Variants in ARHGAP31 observed in about 807,000 individuals in gnomAD.
The protein encoded by ARHGAP31 is Rho GTPase activating protein 31.
A neutral mutation model predicts 113.9 loss-of-function variants in ARHGAP31; 34 were observed. The ratio of observed to expected loss-of-function variants is 0.30; its 90% CI spans 0.23 to 0.40. The LOEUF (loss-of-function observed/expected upper bound fraction) is 0.40. ARHGAP31 is among the 10% of genes least tolerant of loss of function. The probability of loss-of-function intolerance (pLI) is 1.00; values close to 1 mark genes in which losing one functional copy is unlikely to be tolerated. For synonymous variants in ARHGAP31, 650 were observed against 684.8 expected (o/e 0.95, Z 0.79); for missense variants, 1,548 against 1,767.1 (o/e 0.88, Z 2.22).
chr3:119,413,316 C>CA (rs369363243), intron 11 of ARHGAP31, among the ~76,000 whole-genome samples: 18,706 of 90,762 alleles, frequency 0.21, 1,452 homozygotes, highest in South Asian at 0.29. Context: ...GACTCTGTCT[C>CA]AAAAAAAAAA....
At chr3:119,337,487 G>C (rs866284990) in intron 1 of ARHGAP31, among the ~76,000 whole-genome samples, 5 of 152,158 alleles carry the variant, frequency 3.3e-5, no homozygotes, top group African/African-American at 7.2e-5. Context: ...AAAGAACAAA[G>C]CTTCCACAAT....
At position 119,414,440 on chromosome 3, in the gene ARHGAP31, G is replaced by C. The variant is rs763004955; in HGVS notation, c.2511G>C (p.Glu837Asp). 1 of 1,614,250 alleles carries C rather than the reference G, an allele frequency of 6.2e-7. No homozygotes were observed. The highest frequency in any genetic ancestry group is 8.5e-7 in the Non-Finnish European group (1 of 1,180,048). Residue 837 changes from glutamate (E) to aspartate (D), a missense_variant, in exon 12 of 12, where the codon GAG becomes GAC. Physicochemically the swap from Glu to Asp is conservative, Grantham distance 45. Transcript: ENST00000264245. ...SPEISSLCQGEEATPRHSDKQ... is the reference protein window; with the variant it reads ...SPEISSLCQGDEATPRHSDKQ... ...AGATCTCTAGCCTCTGTCAGGGAGA[G>C]GAGGCAACCCCAAGACACAGTGACA...
At chr3:119,376,198 G>A (rs2080346434) in intron 3 of ARHGAP31, among the ~76,000 whole-genome samples, 1 of 152,178 alleles carries the variant, frequency 6.6e-6, no homozygotes, top group African/African-American at 2.4e-5. Flanking sequence ...CATTTGAAAT[G>A]TCCCTTAGGG....
chr3:119,409,475 T>A (rs748181258), intron 10 of ARHGAP31, 21 bp from the exon 11 acceptor site: 1 of 1,613,902 alleles, frequency 6.2e-7, no homozygotes, highest in Admixed American at 1.7e-5. Context: ...CTTTAACTGA[T>A]AACTCTCATT....
intron 1 of ARHGAP31, among the ~76,000 whole-genome samples, chr3:119,357,921 A>G (rs569564226): frequency 3.8e-4 from 58 of 152,374 alleles, no homozygotes; most frequent in East Asian, 7.7e-4. Context: ...CATTATTCCA[A>G]TAACCAATGA....
intron 3 of ARHGAP31, among the ~76,000 whole-genome samples, chr3:119,371,328 AATC>A (rs895290595): frequency 6.6e-5 from 10 of 152,170 alleles, no homozygotes; most frequent in African/African-American, 2.2e-4. Context: ...TGTTATTGCT[AATC>A]ATTGTGTTTT....
Position 119,402,030 on chromosome 3 carries a change from G to C in ARHGAP31, c.1278G>C (p.Arg426=). 6.2e-7 allele frequency: 1 copy of C among 1,614,140 alleles called. No homozygotes were observed. Among genetic ancestry groups the C allele is most frequent in the Non-Finnish European group, 8.5e-7 (1 of 1,180,036 alleles). The change falls in exon 10 of 12, where the codon CGG becomes CGC. Residue 426 remains arginine, a synonymous_variant. Coordinates refer to ENST00000264245, the MANE Select transcript of ARHGAP31 (RefSeq NM_020754.4). ...GCCATCTCCAGGGCGCTCAGGCCCGGCCCCCACCGGAACAGCTGAAGGTTT... is the reference window on the plus strand; with the variant it reads ...GCCATCTCCAGGGCGCTCAGGCCCGCCCCCCACCGGAACAGCTGAAGGTTT... ...DRSHLQGAQA[R]PPPEQLKVFR... is the part of the protein sequence containing the mutation.
chr3:119,294,962 G>A lies in ARHGAP31; in HGVS notation c.58G>A (p.Gly20Ser). 6.2e-7 allele frequency: 1 copy of A among 1,614,120 alleles called. No homozygotes were observed. ...LKRKGAASAFGCDLTEYLESS... is the reference protein window; with the variant it reads ...LKRKGAASAFSCDLTEYLESS... ...ACGAAAGGGAGCCGCCAGCGCGTTT[G>A]GCTGTGACCTGACGGAGTATCTGGA... The change falls in exon 1 of 12, where the codon GGC (glycine) becomes AGC (serine). Residue 20 changes from glycine to serine, a missense_variant. Gly to Ser is a moderately conservative substitution (Grantham distance 56, BLOSUM62 0). Coordinates refer to ENST00000264245, the MANE Select transcript of ARHGAP31 (RefSeq NM_020754.4).
chr3:119,312,207 A>C (rs2079688932), intron 1 of ARHGAP31, among the ~76,000 whole-genome samples: 1 of 152,250 alleles, frequency 6.6e-6, no homozygotes, highest in Non-Finnish European at 1.5e-5. Context: ...GTAGCTGTTG[A>C]GAAAAAATTG....
intron 1 of ARHGAP31, among the ~76,000 whole-genome samples, chr3:119,334,425 C>T (rs2079924035): frequency 6.6e-6 from 1 of 152,244 alleles, no homozygotes; most frequent in Non-Finnish European, 1.5e-5. Context: ...TAGTAGCTCT[C>T]AGCTCCCTGG....
intron 1 of ARHGAP31, among the ~76,000 whole-genome samples, chr3:119,334,384 A>G (rs1019562649): frequency 6.6e-6 from 1 of 152,180 alleles, no homozygotes; most frequent in Admixed American, 6.5e-5. Flanking sequence ...CCTCACTGAG[A>G]ACCCAGCTGC....
rs565507640 is a variant in ARHGAP31 at position 119,336,229 on chromosome 3, A to C, written c.101-29087A>C. On this transcript the variant is annotated intron_variant, in intron 1 of 11. Transcript: ENST00000264245. Reference sequence around the variant, plus strand: ...GAGTTAAGAAGTCTACAGAAGATTCATTTAACTATAAAAGGTTTTATTTCA... The same window carrying C: ...GAGTTAAGAAGTCTACAGAAGATTCCTTTAACTATAAAAGGTTTTATTTCA... Among the ~76,000 whole-genome samples the C allele has an allele frequency of 5.8e-4, 89 of 152,346 alleles. 1 individual carries two copies. The highest frequency in any genetic ancestry group is 1.9e-3 in the African/African-American group (78 of 41,594).
rs2080697877 is a variant in ARHGAP31, at chr3:119,409,615, A to G, written c.1765A>G (p.Thr589Ala). Residue 589 changes from threonine (T) to alanine (A), a missense_variant, in exon 11 of 12, where the codon ACC becomes GCC. Transcript: ENST00000264245. ...EPGAHLEEKK[T>A]PESSLSSQHL... is the part of the protein sequence containing the mutation. Reference sequence around the variant, plus strand: ...AGGCGCCCACCTGGAGGAGAAGAAAACCCCAGAAAGCTCCTTGAGCTCTCA... The same window carrying G: ...AGGCGCCCACCTGGAGGAGAAGAAAGCCCCAGAAAGCTCCTTGAGCTCTCA... The G allele has an allele frequency of 1.2e-6, 2 of 1,613,848 alleles. No individual in the cohort carries two copies. Among genetic ancestry groups the G allele is most frequent in the Non-Finnish European group, 1.7e-6 (2 of 1,179,880 alleles).
At chr3:119,307,972 G>C (rs1247787773) in intron 1 of ARHGAP31, among the ~76,000 whole-genome samples, 1 of 68,172 alleles carries the variant, frequency 1.5e-5, no homozygotes, top group Non-Finnish European at 3.1e-5. Flanking sequence ...CTCAATCTTA[G>C]GCTGTAGGAA....
At position 119,294,902 on chromosome 3, in the gene ARHGAP31, C is replaced by T. The variant is rs1293720407; in HGVS notation, c.-3C>T. 6.2e-7 allele frequency: 1 copy of T among 1,613,892 alleles called. No homozygotes were observed. The highest frequency in any genetic ancestry group is 1.1e-5 in the South Asian group (1 of 91,084). On this transcript the variant is annotated 5_prime_UTR_variant, in exon 1 of 12. Transcript: ENST00000264245. ...GGAGGGGCAGCCTCTTTGGGACTAA[C>T]TCATGAAGAACAAGGGTGCTAAGCA...
Position 119,414,910 on chromosome 3 carries a change from G to A in ARHGAP31, c.2981G>A (p.Arg994Lys), listed in dbSNP as rs774363849. 2 of 1,614,178 alleles carry A rather than the reference G, an allele frequency of 1.2e-6. No homozygotes were observed. The highest frequency in any genetic ancestry group is 2.2e-5 in the South Asian group (2 of 91,080). ...CCTCTTCAGCCCCAGGCACCCAGGAGAGAGATTACTGGATGGGATGAGAAA... is the reference window on the plus strand; with the variant it reads ...CCTCTTCAGCCCCAGGCACCCAGGAAAGAGATTACTGGATGGGATGAGAAA... ...SDPLQPQAPRREITGWDEKAL... is the reference protein window; with the variant it reads ...SDPLQPQAPRKEITGWDEKAL... Residue 994 changes from arginine (R) to lysine (K), a missense_variant, in exon 12 of 12, where the codon AGA (arginine) becomes AAA (lysine). Physicochemically the swap from Arg to Lys is conservative, Grantham distance 26 (BLOSUM62 2). Transcript: ENST00000264245.
chr3:119,332,625 TCTCTCTCTCTCACACACACACA>T (rs1281929244), intron 1 of ARHGAP31, among the ~76,000 whole-genome samples: 8 of 119,858 alleles, frequency 6.7e-5, no homozygotes, highest in African/African-American at 2.3e-4. Context: ...TCTCTCTCTC[TCTCTCTCTCTCACACACACACA>T]CACACACACA....
chr3:119,358,589 T>G (rs1416031562), intron 1 of ARHGAP31, among the ~76,000 whole-genome samples: 1 of 152,158 alleles, frequency 6.6e-6, no homozygotes, highest in Non-Finnish European at 1.5e-5. Flanking sequence ...AAAGTGGAAA[T>G]AACTCAAATT....
intron 4 of ARHGAP31, among the ~76,000 whole-genome samples, chr3:119,381,256 G>A (rs2080394413): frequency 6.6e-6 from 1 of 152,140 alleles, no homozygotes; most frequent in African/African-American, 2.4e-5. Flanking sequence ...ATGCATACTA[G>A]CCTCTTGGTG....
Sources: allele counts gnomAD v4.1 joint callset (sites outside exome capture counted in the v4.1 genomes callset), GRCh38; gene constraint gnomAD v4.1.1; transcripts MANE v1.5; gene names NCBI Gene and HGNC (gene_info 2026-07-23, HGNC 2026-07-21).